STXBP5L: variants seen among roughly 807,000 people sequenced by gnomAD.
STXBP5L encodes the protein syntaxin-binding protein 5-like.
STXBP5L carries 65 observed loss-of-function variants against 144.5 expected under a neutral mutation model. That is an observed-to-expected ratio of 0.45 (90% confidence interval 0.37 to 0.55). The LOEUF is 0.55. Ranked by LOEUF, STXBP5L falls within the 20% of genes least tolerant of loss-of-function variation. The pLI is 0.00. For synonymous variants in STXBP5L, 505 were observed against 469.6 expected (o/e 1.08, Z -0.97); for missense variants, 1,298 against 1,405.5 (o/e 0.92, Z 1.22).
At chr3:121,120,229 T>C in intron 6 of STXBP5L, among the ~76,000 whole-genome samples, 1 of 151,288 alleles carries the variant, frequency 6.6e-6, no homozygotes, top group East Asian at 1.9e-4. Context: ...GGCTATGGTT[T>C]GTTGGCAATT....
At chr3:121,377,698 A>G (rs992332345) in intron 20 of STXBP5L, among the ~76,000 whole-genome samples, 2 of 152,238 alleles carry the variant, frequency 1.3e-5, no homozygotes, top group African/African-American at 4.8e-5. Context: ...ATGTGGAGAA[A>G]TAGAAAACTT....
At chr3:121,049,246 G>T (rs1257243571) in intron 5 of STXBP5L, among the ~76,000 whole-genome samples, 2 of 152,108 alleles carry the variant, frequency 1.3e-5, no homozygotes, top group Non-Finnish European at 2.9e-5. Context: ...GATCTTGAGG[G>T]CATCAGTGGG....
At position 121,076,026 on chromosome 3, in the gene STXBP5L, A is replaced by G. The variant is rs1176506601; in HGVS notation, c.470+30491A>G. Among the ~76,000 whole-genome samples, 5 of 152,240 alleles carry G rather than the reference A, an allele frequency of 3.3e-5. No homozygotes were observed. The East Asian group carries it at 7.7e-4, about 23-fold the overall frequency. On this transcript the variant is annotated intron_variant, in intron 5 of 26. Coordinates refer to ENST00000471454, the MANE Select transcript of STXBP5L (RefSeq NM_001308330.2). Reference sequence around the variant, plus strand: ...CTATAAGAGCCTGAGGCTTCTCTGTATAGGAGGGAGTATGTTGTCTCCAAT... The same window carrying G: ...CTATAAGAGCCTGAGGCTTCTCTGTGTAGGAGGGAGTATGTTGTCTCCAAT...
intron 21 of STXBP5L, 95 bp downstream of exon 21, chr3:121,378,981 G>T: frequency 7.6e-7 from 1 of 1,322,682 alleles, no homozygotes; most frequent in African/African-American, 1.5e-5. Flanking sequence ...ACATATGAAA[G>T]ATGTTAAAAA....
intron 9 of STXBP5L, among the ~76,000 whole-genome samples, chr3:121,163,395 G>A (rs1258533906): frequency 6.6e-6 from 1 of 151,920 alleles, no homozygotes; most frequent in Non-Finnish European, 1.5e-5. Context: ...ACACAGGGAA[G>A]GGAACATCAC....
chr3:121,119,672 A>G (rs563295477), intron 6 of STXBP5L, among the ~76,000 whole-genome samples: 2 of 151,468 alleles, frequency 1.3e-5, no homozygotes, highest in South Asian at 2.1e-4. Context: ...TCTCATGACC[A>G]TAAGTTTTTC....
chr3:121,258,466 G>A (rs1410033260), intron 17 of STXBP5L, among the ~76,000 whole-genome samples: 2 of 152,096 alleles, frequency 1.3e-5, no homozygotes, highest in African/African-American at 4.8e-5. Context: ...TACATAAAAA[G>A]AAGGAAATAT....
chr3:121,327,552 T>C (rs1013954612), intron 20 of STXBP5L, among the ~76,000 whole-genome samples: 1 of 152,194 alleles, frequency 6.6e-6, no homozygotes, highest in Non-Finnish European at 1.5e-5. Context: ...CTATACCACT[T>C]AACAATTACT....
chr3:120,928,943 C>T (rs1268036727), intron 2 of STXBP5L, among the ~76,000 whole-genome samples: 1 of 151,954 alleles, frequency 6.6e-6, no homozygotes, highest in Admixed American at 6.6e-5. Context: ...GTGGCAAAAC[C>T]CACCATCGTT....
At chr3:121,314,487 CG>C (rs1220420707) in intron 19 of STXBP5L, among the ~76,000 whole-genome samples, 1 of 144,854 alleles carries the variant, frequency 6.9e-6, no homozygotes, top group African/African-American at 2.6e-5. Context: ...CGCAGGCACT[CG>C]GCAGGCTGAG....
chr3:121,243,870 T>G (rs1247613441), intron 14 of STXBP5L, among the ~76,000 whole-genome samples: 1 of 152,182 alleles, frequency 6.6e-6, no homozygotes, highest in Non-Finnish European at 1.5e-5. Context: ...TGGCTGAGGA[T>G]TCATTTGGTG....
chr3:120,950,166 C>T (rs112705934), intron 2 of STXBP5L, among the ~76,000 whole-genome samples: 4,356 of 152,026 alleles, frequency 0.029, 76 homozygotes, highest in Non-Finnish European at 0.046. Flanking sequence ...TATATTTAAA[C>T]GTACGATCCA....
intron 20 of STXBP5L, among the ~76,000 whole-genome samples, chr3:121,347,365 G>A (rs373708016): frequency 6.6e-6 from 1 of 152,084 alleles, no homozygotes; most frequent in Non-Finnish European, 1.5e-5. Context: ...GCCTTGTAGT[G>A]TAGTTTGAAG....
At chr3:121,329,790 G>C (rs773100392) in intron 20 of STXBP5L, among the ~76,000 whole-genome samples, 1 of 152,098 alleles carries the variant, frequency 6.6e-6, no homozygotes. Flanking sequence ...AACCCAGGAG[G>C]AGGAGGATGC....
In STXBP5L at chr3:121,151,633, T is replaced by A. The variant is rs1055551714; in HGVS notation, c.670-844T>A. Among the ~76,000 whole-genome samples the A allele has an allele frequency of 1.1e-4, 16 of 152,148 alleles. 1 individual carries two copies. On this transcript the variant is annotated intron_variant, in intron 7 of 26. Transcript: ENST00000471454. Reference sequence around the variant, plus strand: ...AGAATTTTCATCAGAGGAATACTACTAATGTATTTGAAGAAAATCATCTTA... The same window carrying A: ...AGAATTTTCATCAGAGGAATACTACAAATGTATTTGAAGAAAATCATCTTA...
chr3:121,183,124 G>T (rs1191395536), intron 9 of STXBP5L, among the ~76,000 whole-genome samples: 6 of 152,078 alleles, frequency 3.9e-5, no homozygotes, highest in Admixed American at 3.9e-4. Context: ...CACAAAATTG[G>T]CATAGAAAGG....
chr3:121,307,839 G>A (rs1182139572), intron 19 of STXBP5L, among the ~76,000 whole-genome samples: 1 of 151,986 alleles, frequency 6.6e-6, no homozygotes, highest in Non-Finnish European at 1.5e-5. Flanking sequence ...TGAACTCCGA[G>A]AAGATAAATG....
chr3:120,979,634 C>T (rs968425814), intron 3 of STXBP5L, among the ~76,000 whole-genome samples: 3 of 152,198 alleles, frequency 2.0e-5, no homozygotes, highest in Non-Finnish European at 4.4e-5. Flanking sequence ...CACCCATCTT[C>T]TGCGTCGCTC....
At chr3:121,028,173 G>T (rs1329015657) in intron 3 of STXBP5L, among the ~76,000 whole-genome samples, 1 of 151,984 alleles carries the variant, frequency 6.6e-6, no homozygotes, top group African/African-American at 2.4e-5. Context: ...TTTCACAGCT[G>T]AATTATTTCA....
Sources: gnomAD v4.1 joint callset for allele counts (sites outside exome capture counted in the v4.1 genomes callset) on GRCh38, gnomAD v4.1.1 for gene constraint, MANE v1.5 for transcripts, NCBI Gene and HGNC (gene_info 2026-07-23, HGNC 2026-07-21) for gene names.